The following RAB37 variants were observed in gnomAD, a reference collection of about 807,000 sequenced individuals.
RAB37 encodes RAB37, member RAS oncogene family, also known as ras-related protein Rab-37.
In RAB37, 29 loss-of-function variants were observed where a neutral mutation model predicts 33.1. The ratio of observed to expected loss-of-function variants is 0.88; its 90% CI spans 0.65 to 1.20. The LOEUF (loss-of-function observed/expected upper bound fraction) is 1.20. Among genes scored for constraint, RAB37 ranks in the 50% most tolerant of loss-of-function variants. The pLI is 0.00. For missense variants in RAB37, 299 were observed against 301.1 expected (o/e 0.99, Z 0.05); for synonymous variants, 128 against 119.5 (o/e 1.07, Z -0.47).
In RAB37 at chr17:74,730,818, C is replaced by T. The variant is rs993505816; in HGVS notation, c.183+1452C>T. ...GTGGCTGTGGACATGCAAAGTCTGACTCACGTTCCACAGACCACAGAGGTG... is the reference window on the plus strand; with the variant it reads ...GTGGCTGTGGACATGCAAAGTCTGATTCACGTTCCACAGACCACAGAGGTG... On this transcript the variant is annotated intron_variant, in intron 2 of 7. Transcript: ENST00000340415. This position sits in a 1 kb window ranked among gnomAD's most constrained non-coding sequence, Gnocchi z 4.4. 2.0e-5 allele frequency among the ~76,000 whole-genome samples: 3 copies of T among 152,342 alleles called. No individual in the cohort carries two copies. Among genetic ancestry groups the T allele is most frequent in the African/African-American group, 7.2e-5 (3 of 41,574 alleles).
chr17:74,673,622 G>A (rs1168267374), intron 1 of RAB37, among the ~76,000 whole-genome samples: 1 of 151,874 alleles, frequency 6.6e-6, no homozygotes, highest in Non-Finnish European at 1.5e-5. Flanking sequence ...ACCCACACAC[G>A]AGATGTAGGA....
At chr17:74,680,295 T>C (rs2031927004) in intron 1 of RAB37, among the ~76,000 whole-genome samples, 1 of 152,044 alleles carries the variant, frequency 6.6e-6, no homozygotes, top group African/African-American at 2.4e-5. Flanking sequence ...AGATGGTCAC[T>C]ACTTTAGGGC....
At chr17:74,736,778 C>T (rs1449689769), upstream of RAB37, 1 of 1,535,632 alleles carries the variant, frequency 6.5e-7, no homozygotes, top group Non-Finnish European at 8.7e-7. Context: ...GAGCTCGGGC[C>T]GGGTGACTTA....
chr17:74,696,753 C>T (rs551362777), intron 1 of RAB37, among the ~76,000 whole-genome samples: 1 of 152,324 alleles, frequency 6.6e-6, no homozygotes, highest in Non-Finnish European at 1.5e-5. Context: ...GTGGCTGGGC[C>T]TGTCCCTTCC....
intron 1 of RAB37, among the ~76,000 whole-genome samples, chr17:74,709,475 T>G (rs1027565429): frequency 1.3e-5 from 2 of 152,204 alleles, no homozygotes; most frequent in Non-Finnish European, 2.9e-5. Flanking sequence ...TTTGTTAACA[T>G]GGATGTTGAA....
At chr17:74,699,799 CG>C (rs1375157189) in intron 1 of RAB37, among the ~76,000 whole-genome samples, 1 of 152,010 alleles carries the variant, frequency 6.6e-6, no homozygotes, top group African/African-American at 2.4e-5. Context: ...CCACAGCAGC[CG>C]GGGGGCCTGT....
At chr17:74,734,988 A>G (rs1598317830), upstream of RAB37, among the ~76,000 whole-genome samples, 8 of 143,148 alleles carry the variant, frequency 5.6e-5, no homozygotes, top group Admixed American at 7.1e-5. Flanking sequence ...AAAGAAAAAG[A>G]AAGGAAGAAA....
In RAB37 at chr17:74,744,378, G is replaced by A. The variant is rs1379408339; in HGVS notation, c.432+5G>A. ...ATCATGCTGCTAGGCAACAAGGTGA[G>A]TGGCTCCGGGGCAGGGTCAGCCCAG... is the stretch of plus-strand genomic sequence containing the variant. On this transcript the variant is annotated splice_donor_5th_base_variant and intron_variant, in intron 6 of 8. Coordinates refer to ENST00000392613, the MANE Select transcript of RAB37 (RefSeq NM_001006638.3). The surrounding 1 kb of genome is among the most constrained non-coding windows in gnomAD (Gnocchi z 4.2). The A allele has an allele frequency of 1.2e-6, 2 of 1,613,968 alleles. No individual in the cohort carries two copies. Among genetic ancestry groups the A allele is most frequent in the African/African-American group, 1.3e-5 (1 of 74,936 alleles).
chr17:74,729,960 G>A lies in RAB37; in HGVS notation c.183+594G>A, dbSNP rs1009808465. ...GCTGGCAGGCCCAGGTTACAGTTCC[G>A]TGTTTAGTCCTCGGTAAAATGGTAA... On this transcript the variant is annotated intron_variant, in intron 2 of 7. Transcript: ENST00000340415. This position sits in a 1 kb window ranked among gnomAD's most constrained non-coding sequence, Gnocchi z 4.2. Among the ~76,000 whole-genome samples the A allele has an allele frequency of 5.9e-5, 9 of 152,188 alleles. No homozygotes were observed. Among genetic ancestry groups the A allele is most frequent in the East Asian group, 1.9e-4 (1 of 5,186 alleles).
intron 1 of RAB37, among the ~76,000 whole-genome samples, chr17:74,684,462 T>C (rs1423695453): frequency 1.3e-5 from 2 of 152,126 alleles, no homozygotes; most frequent in Non-Finnish European, 2.9e-5. Flanking sequence ...AAAAATTTCC[T>C]GTGATGCCAG....
chr17:74,696,810 G>T lies in RAB37; in HGVS notation c.72+25152G>T, dbSNP rs571587991. ...GTGCTGAGCAGGTGGTGCTCCATCA[G>T]TAAAAGTTGTCTGCAGAGACAGGAA... On this transcript the variant is annotated intron_variant, in intron 1 of 7. Transcript: ENST00000340415. Among the ~76,000 whole-genome samples, 10 of 152,314 alleles carry T rather than the reference G, an allele frequency of 6.6e-5. No homozygotes were observed. The South Asian group carries it at 2.1e-3, about 32-fold the overall frequency.
intron 1 of RAB37, among the ~76,000 whole-genome samples, chr17:74,707,631 T>C (rs1439658342): frequency 6.7e-6 from 1 of 150,008 alleles, no homozygotes; most frequent in Non-Finnish European, 1.5e-5. Context: ...GGGAGAATCG[T>C]CTGAACCTGG....
chr17:74,671,303 A>T lies in RAB37; in HGVS notation c.-284A>T, dbSNP rs1487802410. 2.3e-6 allele frequency: 1 copy of T among 438,546 alleles called. No homozygotes were observed. The highest frequency in any genetic ancestry group is 3.6e-5 in the East Asian group (1 of 27,884). The allele number at this position is 438,546 out of a possible 1,614,324, so 27.2% of individuals were successfully genotyped here. On this transcript the variant is annotated 5_prime_UTR_variant, in exon 1 of 8. Transcript: ENST00000340415. The surrounding 1 kb of genome is among the most constrained non-coding windows in gnomAD (Gnocchi z 5.0). ...CCAGCATCCTGGAGTCCTAAGAGGC[A>T]GGGATTGGAGCGGACAGGATCTCAG...
intron 1 of RAB37, among the ~76,000 whole-genome samples, chr17:74,686,621 T>C (rs1042594962): frequency 6.6e-6 from 1 of 152,168 alleles, no homozygotes; most frequent in East Asian, 1.9e-4. Flanking sequence ...CTCTAACTCC[T>C]GACCTCAAAT....
chr17:74,720,450 G>A (rs910199604), intron 1 of RAB37, among the ~76,000 whole-genome samples: 2 of 152,032 alleles, frequency 1.3e-5, no homozygotes, highest in East Asian at 1.9e-4. Flanking sequence ...ATTTGGCAGG[G>A]TGTGGTGGCG....
rs796190794 is a variant in RAB37 at position 74,729,080 on chromosome 17, GTTT to G, written c.73-173_73-171del. Among the ~76,000 whole-genome samples, 30 of 152,102 alleles carry G rather than the reference GTTT, an allele frequency of 2.0e-4. 1 individual carries two copies. Among genetic ancestry groups the G allele is most frequent in the African/African-American group, 7.2e-4 (30 of 41,508 alleles). The stretch of plus-strand genomic sequence containing the variant: ...GGGTGTTCTGTGTATGTGTGTACAT[GTTT>G]TTCTATGTCTGTATGTGTGTGTCAG... On this transcript the variant is annotated intron_variant, in intron 1 of 7. Coordinates refer to the RAB37 transcript ENST00000340415. This position sits in a 1 kb window ranked among gnomAD's most constrained non-coding sequence, Gnocchi z 4.2.
chr17:74,736,655 G>A (rs1017896603), upstream of RAB37: 14 of 1,535,444 alleles, frequency 9.1e-6, no homozygotes, highest in Admixed American at 2.6e-4. Context: ...GGAAATGAGA[G>A]GTGATCCATA....
Position 74,745,413 on chromosome 17 carries a change from TC to T in RAB37, c.*5del. 1 of 1,612,026 alleles carries T rather than the reference TC, an allele frequency of 6.2e-7. No homozygotes were observed. The highest frequency in any genetic ancestry group is 8.5e-7 in the Non-Finnish European group (1 of 1,178,214). ...TCCAGCTGCTGCTCCTTCATGTGAATCCCAGGGGGCAGAGAGGAGGCTCTGG... is the reference window on the plus strand; with the variant it reads ...TCCAGCTGCTGCTCCTTCATGTGAATCCAGGGGGCAGAGAGGAGGCTCTGG... On this transcript the variant is annotated 3_prime_UTR_variant, in exon 9 of 9. Transcript: ENST00000392613. This position sits in a 1 kb window ranked among gnomAD's most constrained non-coding sequence, Gnocchi z 4.5.
intron 1 of RAB37, among the ~76,000 whole-genome samples, chr17:74,714,399 A>C (rs1437580244): frequency 2.2e-5 from 3 of 135,318 alleles, no homozygotes; most frequent in Non-Finnish European, 4.8e-5. Flanking sequence ...CTCTTTAAAC[A>C]CACACACACA....
Sources: allele counts gnomAD v4.1 joint callset (sites outside exome capture counted in the v4.1 genomes callset), GRCh38; gene constraint gnomAD v4.1.1; non-coding constraint Gnocchi (gnomAD v3.1); transcripts MANE v1.5; gene names NCBI Gene and HGNC (gene_info 2026-07-23, HGNC 2026-07-21).